The following DDAH1 variants were observed in gnomAD, a reference collection of about 807,000 sequenced individuals.
The protein encoded by DDAH1 is dimethylarginine dimethylaminohydrolase 1.
In DDAH1, 19 loss-of-function variants were observed where a neutral mutation model predicts 28.8. The ratio of observed to expected loss-of-function variants is 0.66; its 90% CI spans 0.46 to 0.97. DDAH1 has a LOEUF of 0.97. DDAH1 is among the 50% of genes least tolerant of loss of function. The pLI is 0.00. For missense variants in DDAH1, 326 were observed against 375.9 expected, an observed-to-expected ratio of 0.87 and a Z score of 1.10; for synonymous variants, 153 against 154.4, an observed-to-expected ratio of 0.99 and a Z score of 0.07.
In DDAH1 at chr1:85,321,529, T is replaced by A; in HGVS notation, c.781A>T (p.Ser261Cys). The A allele has an allele frequency of 6.2e-7, 1 of 1,614,148 alleles. No individual in the cohort carries two copies. Among genetic ancestry groups the A allele is most frequent in the Non-Finnish European group, 8.5e-7 (1 of 1,180,002 alleles). The part of the protein sequence containing the change: ...KLKDHMLIPV[S>C]MSELEKVDGL... Reference sequence around the variant, plus strand: ...TCCACCTTTTCCAGTTCAGACATGCTCACGGGGATCAGCATATGGTCCTTC... The same window carrying A: ...TCCACCTTTTCCAGTTCAGACATGCACACGGGGATCAGCATATGGTCCTTC... Residue 261 changes from serine (S) to cysteine (C), a missense_variant, in exon 6 of 6, where the codon AGC becomes TGC. By Grantham distance (112) the Ser-to-Cys change is moderately radical. Coordinates refer to ENST00000284031, the MANE Select transcript of DDAH1 (RefSeq NM_012137.4).
At chr1:85,574,845 A>G (rs1186677317) in intron 1 of DDAH1, among the ~76,000 whole-genome samples, 1 of 152,240 alleles carries the variant, frequency 6.6e-6, no homozygotes, top group East Asian at 1.9e-4. Flanking sequence ...CAGAAATTCG[A>G]GACCAGCCTG....
intron 4 of DDAH1, among the ~76,000 whole-genome samples, chr1:85,340,488 A>G (rs1190340672): frequency 1.3e-5 from 2 of 152,172 alleles, no homozygotes; most frequent in Admixed American, 6.5e-5. Flanking sequence ...ATTATCTTCC[A>G]AAGTGTTGAT....
intron 1 of DDAH1, among the ~76,000 whole-genome samples, chr1:85,512,916 C>G (rs1218477534): frequency 1.3e-5 from 2 of 152,108 alleles, no homozygotes; most frequent in Admixed American, 1.3e-4. Context: ...GTGAAAATGG[C>G]CATACAGCCT....
At chr1:85,492,206 T>G (rs190705260) in intron 2 of DDAH1, among the ~76,000 whole-genome samples, 5 of 152,316 alleles carry the variant, frequency 3.3e-5, no homozygotes, top group Admixed American at 1.3e-4. Flanking sequence ...TCCTACTTAT[T>G]CAAAAAGCTT....
intron 1 of DDAH1, among the ~76,000 whole-genome samples, chr1:85,566,299 A>G (rs1659298132): frequency 6.6e-6 from 1 of 151,940 alleles, no homozygotes; most frequent in Non-Finnish European, 1.5e-5. Flanking sequence ...CCAGCCCAGG[A>G]GTTCAGCCTG....
At chr1:85,418,605 G>A (rs947203350) in intron 1 of DDAH1, among the ~76,000 whole-genome samples, 2 of 152,142 alleles carry the variant, frequency 1.3e-5, no homozygotes, top group East Asian at 1.9e-4. Flanking sequence ...TTAAATGCTC[G>A]TTTGCAGAGG....
chr1:85,513,659 A>T (rs1030855494), intron 1 of DDAH1, among the ~76,000 whole-genome samples: 8 of 152,200 alleles, frequency 5.3e-5, no homozygotes, highest in African/African-American at 1.9e-4. Context: ...TTACAAGAAA[A>T]AAAACAAACA....
intron 1 of DDAH1, among the ~76,000 whole-genome samples, chr1:85,450,431 C>T (rs1376550192): frequency 6.6e-6 from 1 of 152,156 alleles, no homozygotes; most frequent in East Asian, 1.9e-4. Flanking sequence ...CTATCAGGAC[C>T]TCTCTCTAAG....
At chr1:85,500,203 TCTTCCTTCCTTC>T (rs1166912024) in intron 1 of DDAH1, among the ~76,000 whole-genome samples, 1 of 150,424 alleles carries the variant, frequency 6.6e-6, no homozygotes, top group African/African-American at 2.4e-5. Context: ...TTCCTTCCTT[TCTTCCTTCCTTC>T]CTTTCTTTTT....
chr1:85,378,826 G>A (rs1650818891), intron 1 of DDAH1, among the ~76,000 whole-genome samples: 2 of 152,154 alleles, frequency 1.3e-5, no homozygotes, highest in African/African-American at 4.8e-5. Flanking sequence ...AAGTATAACA[G>A]GAAAAGGCAG....
chr1:85,568,497 CCT>C (rs778810081), intron 1 of DDAH1, among the ~76,000 whole-genome samples: 4 of 152,032 alleles, frequency 2.6e-5, no homozygotes, highest in Non-Finnish European at 5.9e-5. Context: ...ACAACAGAAA[CCT>C]CGCATCATTT....
At chr1:85,533,696 G>A (rs1179590204) in intron 1 of DDAH1, among the ~76,000 whole-genome samples, 8 of 152,120 alleles carry the variant, frequency 5.3e-5, no homozygotes, top group Non-Finnish European at 1.2e-4. Context: ...CATAGCATGG[G>A]CTCACTAATT....
intron 2 of DDAH1, among the ~76,000 whole-genome samples, chr1:85,474,308 C>G (rs1306866868): frequency 6.6e-6 from 1 of 152,208 alleles, no homozygotes; most frequent in Non-Finnish European, 1.5e-5. Context: ...CTGCCATTGT[C>G]TTGTCTAAAT....
chr1:85,575,103 A>T (rs1659565771), intron 1 of DDAH1, among the ~76,000 whole-genome samples: 1 of 150,982 alleles, frequency 6.6e-6, no homozygotes. Flanking sequence ...TGGTGGCATG[A>T]GCCTGTAGTC....
Position 85,393,810 on chromosome 1 carries a change from G to A in DDAH1, c.304-34963C>T, listed in dbSNP as rs548946833. 2.6e-5 allele frequency among the ~76,000 whole-genome samples: 4 copies of A among 152,158 alleles called. No individual in the cohort carries two copies. The East Asian group carries it at 7.7e-4, about 29-fold the overall frequency. On this transcript the variant is annotated intron_variant, in intron 1 of 5. Transcript: ENST00000284031. ...TGTCTCACCTAAGAGTCATGTCTTT[G>A]GAATGACAAATTTAGGGTTGCCTAG...
intron 1 of DDAH1, among the ~76,000 whole-genome samples, chr1:85,414,776 A>C (rs1367983545): frequency 6.6e-6 from 1 of 152,014 alleles, no homozygotes; most frequent in Non-Finnish European, 1.5e-5. Flanking sequence ...TGGAGGAGAG[A>C]CTCAAAGACT....
intron 4 of DDAH1, among the ~76,000 whole-genome samples, chr1:85,339,059 A>AT (rs1253561850): frequency 7.9e-4 from 115 of 146,184 alleles, no homozygotes; most frequent in Middle Eastern, 3.5e-3. Flanking sequence ...AAAAAAAAAA[A>AT]AAAATATATA....
intron 4 of DDAH1, among the ~76,000 whole-genome samples, chr1:85,343,083 T>TAG (rs1648607663): frequency 6.6e-6 from 1 of 152,182 alleles, no homozygotes; most frequent in African/African-American, 2.4e-5. Flanking sequence ...CAATATCCTA[T>TAG]AGAGTCAGTT....
At chr1:85,388,147 G>C (rs1376108349) in intron 1 of DDAH1, among the ~76,000 whole-genome samples, 1 of 152,156 alleles carries the variant, frequency 6.6e-6, no homozygotes, top group Non-Finnish European at 1.5e-5. Context: ...GATCTGGAGA[G>C]ACAAACATCC....
Sources: gnomAD v4.1 joint callset for allele counts (sites outside exome capture counted in the v4.1 genomes callset) on GRCh38, gnomAD v4.1.1 for gene constraint, MANE v1.5 for transcripts, NCBI Gene and HGNC (gene_info 2026-07-23, HGNC 2026-07-21) for gene names.